ALKBH6: variants seen among roughly 807,000 people sequenced by gnomAD.
ALKBH6 encodes probable RNA/DNA demethylase ALKBH6.
A neutral mutation model predicts 25.1 loss-of-function variants in ALKBH6; 20 were observed. That is an observed-to-expected ratio of 0.80 (90% confidence interval 0.56 to 1.16). The LOEUF is 1.16. Ranked by LOEUF, ALKBH6 falls within the 50% of genes most tolerant of loss-of-function variation. The pLI, the probability that ALKBH6 is intolerant of heterozygous loss-of-function variation, is 0.00. For missense variants in ALKBH6, 263 were observed against 326.5 expected (o/e 0.81, Z 1.50); for synonymous variants, 156 against 147.5 (o/e 1.06, Z -0.42).
In ALKBH6 at chr19:36,009,559, G is replaced by T. The variant is rs1312167218; in HGVS notation, c.454-6C>A. The T allele has an allele frequency of 8.0e-7, 1 of 1,250,576 alleles. No individual in the cohort carries two copies. The highest frequency in any genetic ancestry group is 3.1e-5 in the East Asian group (1 of 32,602). The allele number at this position is 1,250,576 out of a possible 1,614,324, so 77.5% of individuals were successfully genotyped here. ...GGCCGGGGCGGAGGCCGAGGCTGCA[G>T]GGCGGGTTGAGGGTCAGCAGGGCTC... On this transcript the variant is annotated splice_polypyrimidine_tract_variant and splice_region_variant and intron_variant, in intron 6 of 6. Coordinates refer to ENST00000378875, the MANE Select transcript of ALKBH6 (RefSeq NM_032878.5).
intron 6 of ALKBH6, 55 bp from the exon 7 acceptor site, chr19:36,009,608 G>GCCC: frequency 3.0e-6 from 1 of 336,930 alleles, no homozygotes; most frequent in Non-Finnish European, 4.5e-6. Context: ...GTGGGGGTGG[G>GCCC]CGAGAGGTCG....
In ALKBH6 at chr19:36,013,107, C is replaced by T; in HGVS notation, c.55-18G>A. 1 of 1,610,938 alleles carries T rather than the reference C, an allele frequency of 6.2e-7. No individual in the cohort carries two copies. The highest frequency in any genetic ancestry group is 8.5e-7 in the Non-Finnish European group (1 of 1,177,210). On this transcript the variant is annotated intron_variant, in intron 2 of 6. Coordinates refer to ENST00000378875, the MANE Select transcript of ALKBH6 (RefSeq NM_032878.5). This position sits in a 1 kb window ranked among gnomAD's most constrained non-coding sequence, Gnocchi z 4.6. Reference sequence around the variant, plus strand: ...GGTGGTGCCTAGGATAGAAAGACCCCCTGAAGGTGTGGCCCTTCAACCCAC... The same window carrying T: ...GGTGGTGCCTAGGATAGAAAGACCCTCTGAAGGTGTGGCCCTTCAACCCAC...
In ALKBH6 at chr19:36,013,979, C is replaced by T; in HGVS notation, c.-26+196G>A. The T allele has an allele frequency of 7.1e-7, 1 of 1,403,822 alleles. No homozygotes were observed. 87.0% of individuals were successfully genotyped at this position (1,403,822 alleles called of 1,614,324 possible). A position where few individuals can be genotyped will look rare whatever the true frequency, so the allele number is the denominator to read the frequency against. ...TCCCCTCCTGAGCGCCCCTTCACTC[C>T]AGCACCCTGAGATCTTTAGCTCTGA... On this transcript the variant is annotated intron_variant, in intron 1 of 6. Transcript: ENST00000378875. The surrounding 1 kb of genome is among the most constrained non-coding windows in gnomAD (Gnocchi z 4.6).
intron 3 of ALKBH6, chr19:36,011,680 T>C: frequency 1.9e-6 from 1 of 535,046 alleles, no homozygotes; most frequent in South Asian, 2.2e-5. Context: ...TACCAGGATT[T>C]AGGAATCAGG....
At position 36,009,144 on chromosome 19, in the gene ALKBH6, A is replaced by T; in HGVS notation, c.*146T>A. On this transcript the variant is annotated 3_prime_UTR_variant, in exon 7 of 7. Coordinates refer to ENST00000378875, the MANE Select transcript of ALKBH6 (RefSeq NM_032878.5). ...GGAAAGATTTTTTTGTTTATTTGGTATGGGGTCTTCTGTAGCTCACACAAA... is the reference window on the plus strand; with the variant it reads ...GGAAAGATTTTTTTGTTTATTTGGTTTGGGGTCTTCTGTAGCTCACACAAA... 2.6e-6 allele frequency: 3 copies of T among 1,168,798 alleles called. No homozygotes were observed. The South Asian group carries it at 1.3e-4, about 49-fold the overall frequency. 72.4% of individuals were successfully genotyped at this position (1,168,798 alleles called of 1,614,324 possible).
rs755804551 is a variant in ALKBH6 at position 36,009,462 on chromosome 19, TGGA to T, written c.542_544del (p.Leu181del). On this transcript the variant is annotated inframe_deletion, in exon 7 of 7. Coordinates refer to ENST00000378875, the MANE Select transcript of ALKBH6 (RefSeq NM_032878.5). Reference sequence around the variant, plus strand: ...GTCTACGCGGGCGGCGGCGATGCCGTGGAGAAGACGCGTGTAGGCGGGGCCGCG... The same window carrying T: ...GTCTACGCGGGCGGCGGCGATGCCGTGAAGACGCGTGTAGGCGGGGCCGCG... 4.0e-6 allele frequency: 5 copies of T among 1,247,688 alleles called. No individual in the cohort carries two copies. The highest frequency in any genetic ancestry group is 3.1e-5 in the African/African-American group (2 of 64,668). The allele number at this position is 1,247,688 out of a possible 1,614,324, so 77.3% of individuals were successfully genotyped here. A position where few individuals can be genotyped will look rare whatever the true frequency, so the allele number is the denominator to read the frequency against.
intron 3 of ALKBH6, chr19:36,012,769 T>C (rs2145374339): frequency 2.1e-6 from 1 of 485,370 alleles, no homozygotes; most frequent in East Asian, 3.7e-5. Context: ...AGCACAGAAA[T>C]CTGAATACAA....
chr19:36,011,289 C>G (rs921316867), intron 4 of ALKBH6, 115 bp downstream of exon 4: 1 of 1,374,190 alleles, frequency 7.3e-7, no homozygotes, highest in Non-Finnish European at 9.9e-7. Flanking sequence ...CCTCCTGGCT[C>G]TTGGGGCCCC....
rs192465868 is a variant in ALKBH6, at chr19:36,010,993, G to A, written c.237C>T (p.Leu79=). ...GMVPERLPPW[L]QRYVDKVSNL... ...TTGACACTTTGTCCACGTAGCGCTG[G>A]AGCCATGGGGGCAGCCGCTCAGGAA... Residue 79 remains leucine (L), a synonymous_variant, in exon 5 of 7, where the codon CTC becomes CTT. Transcript: ENST00000378875. The surrounding 1 kb of genome is among the most constrained non-coding windows in gnomAD (Gnocchi z 5.5). The A allele has an allele frequency of 3.1e-6, 5 of 1,613,550 alleles. No homozygotes were observed. The highest frequency in any genetic ancestry group is 1.7e-5 in the Admixed American group (1 of 59,958).
Position 36,013,237 on chromosome 19 carries a change from A to G in ALKBH6, c.54+107T>C. ...GTCAAGGGACCAGTGCCATTCCAGAATGGACTCTGACAGTAAGAATGAATT... is the reference window on the plus strand; with the variant it reads ...GTCAAGGGACCAGTGCCATTCCAGAGTGGACTCTGACAGTAAGAATGAATT... On this transcript the variant is annotated intron_variant, in intron 2 of 6. Coordinates refer to ENST00000378875, the MANE Select transcript of ALKBH6 (RefSeq NM_032878.5). This position sits in a 1 kb window ranked among gnomAD's most constrained non-coding sequence, Gnocchi z 4.6. 1 of 1,502,016 alleles carries G rather than the reference A, an allele frequency of 6.7e-7. No individual in the cohort carries two copies. The highest frequency in any genetic ancestry group is 9.2e-7 in the Non-Finnish European group (1 of 1,082,914). 93.0% of individuals were successfully genotyped at this position (1,502,016 alleles called of 1,614,324 possible). A position where few individuals can be genotyped will look rare whatever the true frequency, so the allele number is the denominator to read the frequency against.
At position 36,009,557 on chromosome 19, in the gene ALKBH6, C is replaced by T. The variant is rs778949438; in HGVS notation, c.454-4G>A. 21 of 1,083,774 alleles carry T rather than the reference C, an allele frequency of 1.9e-5. No homozygotes were observed. The highest frequency in any genetic ancestry group is 2.1e-5 in the Non-Finnish European group (19 of 906,672). The allele number at this position is 1,083,774 out of a possible 1,614,324, so 67.1% of individuals were successfully genotyped here. On this transcript the variant is annotated splice_polypyrimidine_tract_variant and splice_region_variant and intron_variant, in intron 6 of 6. Transcript: ENST00000378875. ...TGGGCCGGGGCGGAGGCCGAGGCTGCAGGGCGGGTTGAGGGTCAGCAGGGC... is the reference window on the plus strand; with the variant it reads ...TGGGCCGGGGCGGAGGCCGAGGCTGTAGGGCGGGTTGAGGGTCAGCAGGGC...
chr19:36,010,482 C>G lies in ALKBH6; in HGVS notation c.453+85G>C. The G allele has an allele frequency of 5.8e-6, 7 of 1,216,874 alleles. No individual in the cohort carries two copies. The highest frequency in any genetic ancestry group is 8.4e-6 in the Non-Finnish European group (7 of 837,770). 75.4% of individuals were successfully genotyped at this position (1,216,874 alleles called of 1,614,324 possible). ...ATCTGGGAGAGTGCCAGGAGTACCC[C>G]GAAGGCATGTGGGACCAGGTCATCT... is the stretch of plus-strand genomic sequence containing the variant. On this transcript the variant is annotated intron_variant, in intron 6 of 6. Coordinates refer to ENST00000378875, the MANE Select transcript of ALKBH6 (RefSeq NM_032878.5). This position sits in a 1 kb window ranked among gnomAD's most constrained non-coding sequence, Gnocchi z 5.5.
intron 3 of ALKBH6, chr19:36,012,423 G>A (rs1968634211): frequency 6.5e-6 from 1 of 153,412 alleles, no homozygotes; most frequent in Admixed American, 6.5e-5. Context: ...TTTCAGCCCA[G>A]GAATTCTATA....
chr19:36,013,859 C>A lies in ALKBH6; in HGVS notation c.-26+316G>T. 1 of 1,310,518 alleles carries A rather than the reference C, an allele frequency of 7.6e-7. No homozygotes were observed. Among genetic ancestry groups the A allele is most frequent in the Non-Finnish European group, 9.7e-7 (1 of 1,031,668 alleles). The allele number at this position is 1,310,518 out of a possible 1,614,324, so 81.2% of individuals were successfully genotyped here. A position where few individuals can be genotyped will look rare whatever the true frequency, so the allele number is the denominator to read the frequency against. On this transcript the variant is annotated intron_variant, in intron 1 of 6. Transcript: ENST00000378875. This position sits in a 1 kb window ranked among gnomAD's most constrained non-coding sequence, Gnocchi z 4.6. ...AGCGACCCCCGCCCCCCACCGAATC[C>A]CATTCTGTGCACTCCTGTGACCCCA...
chr19:36,009,279 G>A lies in ALKBH6; in HGVS notation c.*11C>T. ...GGAACCTGGGAATCCGAGGGGTCCCGGCCCTGGCGGTCACTTGCCCAGCAG... is the reference window on the plus strand; with the variant it reads ...GGAACCTGGGAATCCGAGGGGTCCCAGCCCTGGCGGTCACTTGCCCAGCAG... On this transcript the variant is annotated 3_prime_UTR_variant, in exon 7 of 7. Transcript: ENST00000378875. 4 of 1,339,362 alleles carry A rather than the reference G, an allele frequency of 3.0e-6. No homozygotes were observed. Among genetic ancestry groups the A allele is most frequent in the South Asian group, 3.7e-5 (2 of 54,184 alleles). The allele number at this position is 1,339,362 out of a possible 1,614,324, so 83.0% of individuals were successfully genotyped here.
chr19:36,011,025 C>A lies in ALKBH6; in HGVS notation c.205G>T (p.Gly69Trp). Residue 69 changes from glycine (G) to tryptophan (W), a missense_variant, in exon 5 of 7, where the codon GGG (glycine) becomes TGG (tryptophan). By Grantham distance (184) the Gly-to-Trp change is radical (BLOSUM62 -2). This residue lies in a region of ALKBH6 where 112 missense variants were observed against 153.0 expected (regional missense o/e 0.73). Transcript: ENST00000378875. ...GGGGGCAGCCGCTCAGGAACCATCC[C>A]TCGGGGATGAGGAAGCCCACCTGGG... is the stretch of plus-strand genomic sequence containing the variant. ...QNWGGLPHPR[G>W]MVPERLPPWL... 1.2e-6 allele frequency: 2 copies of A among 1,610,650 alleles called. No homozygotes were observed. Among genetic ancestry groups the A allele is most frequent in the African/African-American group, 1.3e-5 (1 of 74,924 alleles).
Position 36,010,386 on chromosome 19 carries a change from A to T in ALKBH6, c.453+181T>A, listed in dbSNP as rs1471234813. 2 of 652,618 alleles carry T rather than the reference A, an allele frequency of 3.1e-6. No individual in the cohort carries two copies. Among genetic ancestry groups the T allele is most frequent in the Non-Finnish European group, 5.5e-6 (2 of 364,080 alleles). 40.4% of individuals were successfully genotyped at this position (652,618 alleles called of 1,614,324 possible). ...GTGAAAATCATGGCATGTGGGACAG[A>T]CACCCTGTAAGCAGATGGGTTGGGT... is the stretch of plus-strand genomic sequence containing the variant. On this transcript the variant is annotated intron_variant, in intron 6 of 6. Coordinates refer to ENST00000378875, the MANE Select transcript of ALKBH6 (RefSeq NM_032878.5). This position sits in a 1 kb window ranked among gnomAD's most constrained non-coding sequence, Gnocchi z 5.5.
Position 36,013,938 on chromosome 19 carries a change from G to T in ALKBH6, c.-26+237C>A. On this transcript the variant is annotated intron_variant, in intron 1 of 6. Coordinates refer to ENST00000378875, the MANE Select transcript of ALKBH6 (RefSeq NM_032878.5). This position sits in a 1 kb window ranked among gnomAD's most constrained non-coding sequence, Gnocchi z 4.6. Reference sequence around the variant, plus strand: ...TCAGCCTCCTCGGATCCCCCCATTTGGACGCCCCTCGGATTTCCCCTCCTG... The same window carrying T: ...TCAGCCTCCTCGGATCCCCCCATTTTGACGCCCCTCGGATTTCCCCTCCTG... The T allele has an allele frequency of 1.5e-6, 2 of 1,361,090 alleles. No homozygotes were observed. The highest frequency in any genetic ancestry group is 1.8e-5 in the South Asian group (1 of 56,916). The allele number at this position is 1,361,090 out of a possible 1,614,324, so 84.3% of individuals were successfully genotyped here.
rs1362411940 is a variant in ALKBH6 at position 36,013,672 on chromosome 19, T to A, written c.-25-250A>T. 7.4e-7 allele frequency: 1 copy of A among 1,343,144 alleles called. No homozygotes were observed. Among genetic ancestry groups the A allele is most frequent in the Non-Finnish European group, 9.6e-7 (1 of 1,044,926 alleles). The allele number at this position is 1,343,144 out of a possible 1,614,324, so 83.2% of individuals were successfully genotyped here. The stretch of plus-strand genomic sequence containing the variant: ...CTAAGGGCCCATCCAACTACACATA[T>A]GCCTTCTCAATCCTCCCACAGAGAA... On this transcript the variant is annotated intron_variant, in intron 1 of 6. Transcript: ENST00000378875. The surrounding 1 kb of genome is among the most constrained non-coding windows in gnomAD (Gnocchi z 4.6).
Sources: gnomAD v4.1 joint callset for allele counts on GRCh38, gnomAD v4.1.1 for gene constraint, gnomAD v4.1.1 regional missense constraint, Gnocchi (gnomAD v3.1) non-coding constraint, MANE v1.5 for transcripts, NCBI Gene and HGNC (gene_info 2026-07-23, HGNC 2026-07-21) for gene names.